NFKBID: variants seen among roughly 807,000 people sequenced by gnomAD.
NFKBID encodes the protein NF-kappa-B inhibitor delta.
NFKBID carries 26 observed loss-of-function variants against 53.4 expected under a neutral mutation model. The ratio of observed to expected loss-of-function variants is 0.49; its 90% confidence interval spans 0.36 to 0.68. NFKBID has a LOEUF of 0.68. Ranked by LOEUF, NFKBID falls within the 30% of genes least tolerant of loss-of-function variation. NFKBID has a pLI of 0.00. For synonymous variants in NFKBID, 262 were observed against 259.8 expected, an observed-to-expected ratio of 1.01 and a Z score of -0.08; for missense variants, 493 against 614.1, an observed-to-expected ratio of 0.80 and a Z score of 2.08.
At chr19:35,890,582 G>A (rs1457871067) in intron 9 of NFKBID, 92 bp from the exon 10 acceptor site, 1 of 871,196 alleles carries the variant, frequency 1.1e-6, no homozygotes, top group African/African-American at 1.6e-5. Context: ...CCTGACCCTT[G>A]GCGGAGTGCG....
intron 9 of NFKBID, among the ~76,000 whole-genome samples, chr19:35,894,025 C>T (rs562983765): frequency 6.6e-6 from 1 of 151,988 alleles, no homozygotes; most frequent in African/African-American, 2.4e-5. Flanking sequence ...GAGGCCAAGG[C>T]GGGCGGCTCA....
rs1227027934 is a variant in NFKBID at position 35,896,531 on chromosome 19, A to G, written c.692T>C (p.Leu231Pro). 1 of 1,614,024 alleles carries G rather than the reference A, an allele frequency of 6.2e-7. No homozygotes were observed. The stretch of plus-strand genomic sequence containing the variant: ...CTGGTTGGCAGCAGCCGCCACCAGG[A>G]GAGGGGTCTGCAGGCCACAGGAGAA... The change falls in exon 7 of 12, where the codon CTC (leucine) becomes CCC (proline). Residue 231 changes from leucine to proline, a missense_variant. Physicochemically the swap from Leu to Pro is moderately conservative, Grantham distance 98. This residue lies in a region of NFKBID where 267 missense variants were observed against 384.6 expected (regional missense o/e 0.69). Coordinates refer to ENST00000641389, the Ensembl canonical transcript of NFKBID. This position sits in a 1 kb window ranked among gnomAD's most constrained non-coding sequence, Gnocchi z 5.7.
At chr19:35,895,854 A>G (rs1975103495) in intron 9 of NFKBID, 126 bp downstream of exon 9, 2 of 788,496 alleles carry the variant, frequency 2.5e-6, no homozygotes, top group Non-Finnish European at 4.1e-6. Context: ...AGAGAAGTGA[A>G]GTAACATGTT....
chr19:35,888,673 C>T, intron 11 of NFKBID, 61 bp from the exon 12 acceptor site: 2 of 1,292,804 alleles, frequency 1.5e-6, no homozygotes, highest in Non-Finnish European at 1.1e-6. Flanking sequence ...GTGGGGAAGG[C>T]ACGCCATGCA....
Position 35,898,708 on chromosome 19 carries a change from C to T in NFKBID, c.165+11G>A. On this transcript the variant is annotated intron_variant, in intron 2 of 11. Coordinates refer to ENST00000641389, the Ensembl canonical transcript of NFKBID. Reference sequence around the variant, plus strand: ...CGGGGCCTCCGGAGAGCTGTGGCTCCCTGGCCTCACCTGCACCCCGCCAGC... The same window carrying T: ...CGGGGCCTCCGGAGAGCTGTGGCTCTCTGGCCTCACCTGCACCCCGCCAGC... 1 of 1,534,582 alleles carries T rather than the reference C, an allele frequency of 6.5e-7. No homozygotes were observed. Among genetic ancestry groups the T allele is most frequent in the Non-Finnish European group, 8.7e-7 (1 of 1,145,666 alleles).
At chr19:35,900,698 TC>T (rs1354896386), upstream of NFKBID, 11 of 1,178,482 alleles carry the variant, frequency 9.3e-6, no homozygotes, top group Non-Finnish European at 1.2e-5. Flanking sequence ...GACTACTCAG[TC>T]CCCCCGGGAA....
intron 9 of NFKBID, among the ~76,000 whole-genome samples, chr19:35,894,102 C>CA (rs113077300): frequency 6.6e-6 from 1 of 151,016 alleles, no homozygotes; most frequent in Non-Finnish European, 1.5e-5. Flanking sequence ...ATTAAAAATA[C>CA]AAAAAAATTA....
chr19:35,888,368 A>C (rs1002283953), exon 12 of NFKBID: 29 of 575,216 alleles, frequency 5.0e-5, no homozygotes, highest in Non-Finnish European at 8.4e-5. Flanking sequence ...TTGTGGGTAG[A>C]AGAGGGGTAT....
Position 35,896,408 on chromosome 19 carries a change from A to C in NFKBID, c.815T>G (p.Leu272Arg), listed in dbSNP as rs1045838248. The change falls in exon 7 of 12, where the codon CTC becomes CGC. Residue 272 changes from leucine (L) to arginine (R), a missense_variant. By Grantham distance (102) the Leu-to-Arg change is moderately radical. This residue lies in a region of NFKBID where 267 missense variants were observed against 384.6 expected (regional missense o/e 0.69). Coordinates refer to ENST00000641389, the Ensembl canonical transcript of NFKBID. The surrounding 1 kb of genome is among the most constrained non-coding windows in gnomAD (Gnocchi z 5.7). ...TGGCCATACCAAGAGAACTCCTGGGAGCCCGTAGGTAGCGGCCACGTGCAA... is the reference window on the plus strand; with the variant it reads ...TGGCCATACCAAGAGAACTCCTGGGCGCCCGTAGGTAGCGGCCACGTGCAA... The C allele has an allele frequency of 6.2e-7, 1 of 1,614,046 alleles. No individual in the cohort carries two copies.
chr19:35,888,715 G>C (rs1057433239), intron 11 of NFKBID, 103 bp from the exon 12 acceptor site: 4 of 837,098 alleles, frequency 4.8e-6, no homozygotes, highest in Non-Finnish European at 7.9e-6. Flanking sequence ...AGGTTGAGTG[G>C]GTCCCTTTGG....
chr19:35,893,775 G>A (rs1320240395), intron 9 of NFKBID, among the ~76,000 whole-genome samples: 3 of 145,180 alleles, frequency 2.1e-5, no homozygotes, highest in African/African-American at 5.1e-5. Flanking sequence ...AGCCGAGATC[G>A]CACCACTGCA....
At chr19:35,894,344 A>G (rs771734434) in intron 9 of NFKBID, among the ~76,000 whole-genome samples, 1 of 152,194 alleles carries the variant, frequency 6.6e-6, no homozygotes, top group Non-Finnish European at 1.5e-5. Flanking sequence ...GGAACAGAAC[A>G]TAATTAAAAG....
intron 9 of NFKBID, among the ~76,000 whole-genome samples, chr19:35,895,551 C>T (rs1042775960): frequency 5.3e-5 from 8 of 152,094 alleles, no homozygotes; most frequent in African/African-American, 1.9e-4. Context: ...CCTGTAATCA[C>T]AGCACTTTGG....
intron 3 of NFKBID, among the ~76,000 whole-genome samples, chr19:35,898,065 C>G (rs1207370452): frequency 6.6e-6 from 1 of 152,016 alleles, no homozygotes; most frequent in Non-Finnish European, 1.5e-5. Flanking sequence ...CCCTGGGGCT[C>G]CGTAGGACTA....
At chr19:35,900,827 CTTTT>C (rs60365058), upstream of NFKBID, among the ~76,000 whole-genome samples, 18 of 107,588 alleles carry the variant, frequency 1.7e-4, no homozygotes, top group East Asian at 8.6e-4. Flanking sequence ...TTTTTCTTTT[CTTTT>C]TTTTTTTTTT....
At chr19:35,900,827 C>CTTTTTTTTTTTTTTTTTTTTTTT (rs60365058), upstream of NFKBID, among the ~76,000 whole-genome samples, 15 of 107,604 alleles carry the variant, frequency 1.4e-4, no homozygotes, top group South Asian at 3.1e-4. Context: ...TTTTTCTTTT[C>CTTTTTTTTTTTTTTTTTTTTTTT]TTTTTTTTTT....
intron 2 of NFKBID, 34 bp from the exon 3 acceptor site, chr19:35,898,566 A>G: frequency 4.7e-6 from 7 of 1,499,140 alleles, no homozygotes; most frequent in Non-Finnish European, 4.5e-6. Flanking sequence ...AACCCAGGTG[A>G]CTTTATCTGG....
intron 9 of NFKBID, among the ~76,000 whole-genome samples, chr19:35,895,514 A>C (rs1975078532): frequency 6.7e-6 from 1 of 150,146 alleles, no homozygotes; most frequent in African/African-American, 2.5e-5. Context: ...ACAAACAAAA[A>C]AACCCTGCTG....
chr19:35,901,897 C>A, upstream of NFKBID: 1 of 442,290 alleles, frequency 2.3e-6, no homozygotes. Context: ...CTCAGGGGTC[C>A]CCTCCCTCTT....
Sources: gnomAD v4.1 joint callset for allele counts (sites outside exome capture counted in the v4.1 genomes callset) on GRCh38, gnomAD v4.1.1 for gene constraint, gnomAD v4.1.1 regional missense constraint, Gnocchi (gnomAD v3.1) non-coding constraint, MANE v1.5 for transcripts, NCBI Gene and HGNC (gene_info 2026-07-23, HGNC 2026-07-21) for gene names.